FAM169A: variants seen among roughly 807,000 people sequenced by gnomAD.
FAM169A encodes soluble lamin-associated protein of 75 kDa.
FAM169A carries 24 observed loss-of-function variants against 75.7 expected under a neutral mutation model. That is an observed-to-expected ratio of 0.32 (90% CI 0.23 to 0.45). The LOEUF (loss-of-function observed/expected upper bound fraction) is 0.45. FAM169A is among the 20% of genes least tolerant of loss of function. FAM169A has a pLI of 1.00. For synonymous variants in FAM169A, 271 were observed against 271.0 expected (o/e 1.00, Z 0.00); for missense variants, 673 against 784.0 (o/e 0.86, Z 1.69).
At chr5:74,811,150 A>T (rs1169335175) in intron 6 of FAM169A, among the ~76,000 whole-genome samples, 1 of 151,908 alleles carries the variant, frequency 6.6e-6, no homozygotes, top group East Asian at 1.9e-4. Context: ...TGCCCAGCTA[A>T]TTTTCACATT....
At position 74,783,115 on chromosome 5, in the gene FAM169A, A is replaced by G. The variant is rs777602574; in HGVS notation, c.1280T>C (p.Met427Thr). The change falls in exon 12 of 13, where the codon ATG (methionine) becomes ACG (threonine). Residue 427 changes from methionine to threonine, a missense_variant. By Grantham distance (81) the Met-to-Thr change is moderately conservative. Coordinates refer to ENST00000687041, the MANE Select transcript of FAM169A (RefSeq NM_001376049.1). ...AGAATCGTCCATTATCTCACCATTC[A>G]TAGGCTCTAATTCAGATTCCTACAC... ...DGEKESELEP[M>T]NGEIMDDSLK... is the part of the protein sequence containing the mutation. 2.5e-6 allele frequency: 4 copies of G among 1,612,698 alleles called. No homozygotes were observed. In the South Asian group the frequency reaches 3.3e-5, roughly 13 times the overall value.
At chr5:74,790,415 T>G (rs1009843308) in intron 11 of FAM169A, among the ~76,000 whole-genome samples, 3 of 152,222 alleles carry the variant, frequency 2.0e-5, no homozygotes, top group African/African-American at 7.2e-5. Flanking sequence ...ATTCATGGAC[T>G]GCAGCCAATG....
At chr5:74,863,418 C>T (rs1750143430) in intron 1 of FAM169A, among the ~76,000 whole-genome samples, 1 of 152,112 alleles carries the variant, frequency 6.6e-6, no homozygotes, top group Non-Finnish European at 1.5e-5. Context: ...TCACACAATT[C>T]CTTTTTTCAC....
chr5:74,799,829 C>T (rs1746469893), intron 10 of FAM169A: 3 of 1,064,402 alleles, frequency 2.8e-6, no homozygotes, highest in South Asian at 2.5e-5. Flanking sequence ...ACCGTGGCTG[C>T]CTGACCTTTG....
intron 8 of FAM169A, among the ~76,000 whole-genome samples, chr5:74,804,050 T>A (rs1330903581): frequency 6.6e-6 from 1 of 152,146 alleles, no homozygotes; most frequent in Non-Finnish European, 1.5e-5. Flanking sequence ...ATTTTAATGA[T>A]TTAATGCCAT....
In FAM169A at chr5:74,781,533, A is replaced by G. The variant is rs1334040655; in HGVS notation, c.1940T>C (p.Val647Ala). Residue 647 changes from valine (V) to alanine (A), a missense_variant, in exon 13 of 13, where the codon GTA becomes GCA. Val to Ala is a moderately conservative substitution (Grantham distance 64, BLOSUM62 0). Coordinates refer to ENST00000687041, the MANE Select transcript of FAM169A (RefSeq NM_001376049.1). ...SEEIEVEVPV[V>A]DRRNLRRKAK... ...CTTTCTTCTTAAATTCCGCCTGTCT[A>G]CCACAGGCACTTCCACTTCTATTTC... The G allele has an allele frequency of 6.2e-7, 1 of 1,614,110 alleles. No individual in the cohort carries two copies. The highest frequency in any genetic ancestry group is 8.5e-7 in the Non-Finnish European group (1 of 1,179,962).
intron 1 of FAM169A, among the ~76,000 whole-genome samples, chr5:74,852,879 A>G (rs763394821): frequency 1.1e-4 from 16 of 152,152 alleles, no homozygotes; most frequent in Non-Finnish European, 2.2e-4. Flanking sequence ...ACAGCTACAT[A>G]TAGGTTGGAT....
intron 1 of FAM169A, among the ~76,000 whole-genome samples, chr5:74,847,392 T>C (rs912121953): frequency 6.6e-6 from 1 of 151,996 alleles, no homozygotes; most frequent in Admixed American, 6.6e-5. Context: ...ATAACTGTCC[T>C]TTTGTGTCAC....
chr5:74,829,891 T>C (rs1748222401), intron 5 of FAM169A, among the ~76,000 whole-genome samples: 1 of 152,098 alleles, frequency 6.6e-6, no homozygotes, highest in African/African-American at 2.4e-5. Flanking sequence ...GAGAATCGCT[T>C]GAACCCAGGA....
intron 1 of FAM169A, among the ~76,000 whole-genome samples, chr5:74,854,836 T>A (rs1389986716): frequency 6.6e-6 from 1 of 152,256 alleles, no homozygotes; most frequent in African/African-American, 2.4e-5. Flanking sequence ...ATGTACCATA[T>A]TTTCTTTATC....
At chr5:74,854,456 T>C (rs1376442684) in intron 1 of FAM169A, among the ~76,000 whole-genome samples, 3 of 152,156 alleles carry the variant, frequency 2.0e-5, no homozygotes, top group Non-Finnish European at 2.9e-5. Context: ...TCCTTTGTGT[T>C]ACAAACAACC....
chr5:74,840,775 G>C (rs1210597021), intron 2 of FAM169A, among the ~76,000 whole-genome samples: 1 of 150,724 alleles, frequency 6.6e-6, no homozygotes, highest in Non-Finnish European at 1.5e-5. Context: ...GTTGCAGTGA[G>C]CCAAGATCGT....
intron 5 of FAM169A, among the ~76,000 whole-genome samples, chr5:74,833,855 T>C (rs569925777): frequency 2.0e-5 from 3 of 152,192 alleles, no homozygotes; most frequent in South Asian, 4.2e-4. Context: ...AGGTATGAGG[T>C]TGCACTATTT....
At chr5:74,835,373 G>A (rs956866701) in intron 4 of FAM169A, among the ~76,000 whole-genome samples, 4 of 151,938 alleles carry the variant, frequency 2.6e-5, no homozygotes, top group African/African-American at 9.7e-5. Flanking sequence ...AAGCTGAGGT[G>A]GGTGGATCGC....
intron 6 of FAM169A, among the ~76,000 whole-genome samples, chr5:74,808,902 T>C (rs1747025990): frequency 6.6e-6 from 1 of 152,222 alleles, no homozygotes; most frequent in African/African-American, 2.4e-5. Flanking sequence ...ATTTGTTCAA[T>C]CTAGACTTGG....
At chr5:74,783,983 T>A (rs1745540971) in intron 11 of FAM169A, among the ~76,000 whole-genome samples, 1 of 152,048 alleles carries the variant, frequency 6.6e-6, no homozygotes, top group South Asian at 2.1e-4. Context: ...TAGTAAAAAA[T>A]TTATTAAATT....
At chr5:74,808,829 A>G (rs1335261213) in intron 6 of FAM169A, among the ~76,000 whole-genome samples, 1 of 152,210 alleles carries the variant, frequency 6.6e-6, no homozygotes, top group African/African-American at 2.4e-5. Context: ...ATCTTTTATT[A>G]CAATCAATAA....
At chr5:74,821,530 A>G (rs1399247703) in intron 5 of FAM169A, among the ~76,000 whole-genome samples, 1 of 152,208 alleles carries the variant, frequency 6.6e-6, no homozygotes, top group African/African-American at 2.4e-5. Context: ...GATTCAGATT[A>G]TTCAGAAATT....
rs569694576 is a variant in FAM169A, at chr5:74,839,151, TAA to T, written c.233-103_233-102del. The T allele has an allele frequency of 9.7e-5, 78 of 808,272 alleles. No individual in the cohort carries two copies. The African/African-American group carries it at 1.2e-3, about 13-fold the overall frequency. The allele number at this position is 808,272 out of a possible 1,614,324, so 50.1% of individuals were successfully genotyped here. A position where few individuals can be genotyped will look rare whatever the true frequency, so the allele number is the denominator to read the frequency against. ...ATAAAGTATCCATATACTTTATATT[TAA>T]GAGTATCTATATAAACCTTACCAAA... On this transcript the variant is annotated intron_variant, in intron 3 of 12. Transcript: ENST00000687041.
Sources: allele counts gnomAD v4.1 joint callset (sites outside exome capture counted in the v4.1 genomes callset), GRCh38; gene constraint gnomAD v4.1.1; transcripts MANE v1.5; gene names NCBI Gene and HGNC (gene_info 2026-07-23, HGNC 2026-07-21).